The following C2 variants were observed in gnomAD, a reference collection of about 807,000 sequenced individuals.
C2 encodes the protein complement C2.
In C2, 64 loss-of-function variants were observed where a neutral mutation model predicts 85.2. The ratio of observed to expected loss-of-function variants is 0.75; its 90% CI spans 0.61 to 0.92. The LOEUF (loss-of-function observed/expected upper bound fraction) is 0.92. Ranked by LOEUF, C2 falls within the 40% of genes least tolerant of loss-of-function variation. C2 has a pLI of 0.00. For synonymous variants in C2, 311 were observed against 370.8 expected, an observed-to-expected ratio of 0.84 and a Z score of 1.85; for missense variants, 820 against 971.6, an observed-to-expected ratio of 0.84 and a Z score of 2.07.
chr6:31,927,757 G>A lies in C2; in HGVS notation c.5G>A (p.Gly2Asp). The part of the protein sequence containing the change: M[G>D]PLMVLFCLLF... ...GCCGCCCCTAGGGAGGACACCATGGGCCCACTGATGGTTCTTTTTTGCCTG... is the reference window on the plus strand; with the variant it reads ...GCCGCCCCTAGGGAGGACACCATGGACCCACTGATGGTTCTTTTTTGCCTG... The change falls in exon 1 of 18, where the codon GGC (glycine) becomes GAC (aspartate). Residue 2 changes from glycine to aspartate, a missense_variant. Transcript: ENST00000299367. This position sits in a 1 kb window ranked among gnomAD's most constrained non-coding sequence, Gnocchi z 4.7. 1 of 1,613,244 alleles carries A rather than the reference G, an allele frequency of 6.2e-7. No individual in the cohort carries two copies. Among genetic ancestry groups the A allele is most frequent in the Non-Finnish European group, 8.5e-7 (1 of 1,180,014 alleles).
intron 9 of C2, among the ~76,000 whole-genome samples, chr6:31,939,645 T>C (rs923518811): frequency 6.6e-5 from 10 of 151,828 alleles, no homozygotes; most frequent in African/African-American, 2.4e-4. Flanking sequence ...TGAAGTGCAG[T>C]GGTGCAATCA....
At position 31,921,468 on chromosome 6, in the gene C2, G is replaced by A. The variant is rs1768963928; in HGVS notation, c.-100+1442G>A. On this transcript the variant is annotated intron_variant, in intron 1 of 3. Coordinates refer to the C2 transcript ENST00000413154. The surrounding 1 kb of genome is among the most constrained non-coding windows in gnomAD (Gnocchi z 4.6). Reference sequence around the variant, plus strand: ...AAGAGGAAAGAGCCTAGGGGAGAGAGGGCTTGGAAATGCAAGGGGCTGGGG... The same window carrying A: ...AAGAGGAAAGAGCCTAGGGGAGAGAAGGCTTGGAAATGCAAGGGGCTGGGG... Among the ~76,000 whole-genome samples the A allele has an allele frequency of 6.6e-6, 1 of 152,066 alleles. No individual in the cohort carries two copies. The highest frequency in any genetic ancestry group is 1.5e-5 in the Non-Finnish European group (1 of 68,010).
rs544699120 is a variant in C2 at position 31,921,831 on chromosome 6, G to A, written c.-100+1805G>A. Among the ~76,000 whole-genome samples, 1 of 152,322 alleles carries A rather than the reference G, an allele frequency of 6.6e-6. No individual in the cohort carries two copies. The highest frequency in any genetic ancestry group is 1.9e-4 in the East Asian group (1 of 5,188). ...TTCCTCCCCCAGAAGCAGACCTGGA[G>A]ACAAGGGTTCCAGTGCAGACAGTGC... On this transcript the variant is annotated intron_variant, in intron 1 of 3. Transcript: ENST00000413154. The surrounding 1 kb of genome is among the most constrained non-coding windows in gnomAD (Gnocchi z 4.6).
upstream of C2, among the ~76,000 whole-genome samples, chr6:31,898,801 C>T (rs533463502): frequency 6.6e-6 from 1 of 152,250 alleles, no homozygotes; most frequent in African/African-American, 2.4e-5. Context: ...AGTTCATGTG[C>T]ATCCCCACGA....
intron 1 of C2, chr6:31,901,987 T>G (rs1581999166): frequency 1.4e-5 from 2 of 137,944 alleles, no homozygotes; most frequent in South Asian, 2.6e-4. Context: ...CGGCTCCGCG[T>G]GGGCGTAAGG....
At chr6:31,932,740 G>C (rs1005061912) in intron 3 of C2, among the ~76,000 whole-genome samples, 5 of 152,172 alleles carry the variant, frequency 3.3e-5, no homozygotes, top group African/African-American at 1.2e-4. Context: ...CTGCAATCTC[G>C]GCACTTTGGG....
intron 9 of C2, 31 bp from the exon 10 acceptor site, chr6:31,942,928 G>GGAA: frequency 6.2e-7 from 1 of 1,612,730 alleles, no homozygotes; most frequent in South Asian, 1.1e-5. Flanking sequence ...CAAAGCCACA[G>GGAA]GAGTCTGGTG....
rs1769489497 is a variant in C2 at position 31,928,856 on chromosome 6, T to A, written c.381T>A (p.Pro127=). 2 of 1,614,114 alleles carry A rather than the reference T, an allele frequency of 1.2e-6. No individual in the cohort carries two copies. The highest frequency in any genetic ancestry group is 1.7e-6 in the Non-Finnish European group (2 of 1,180,040). The change falls in exon 3 of 18, where the codon CCT becomes CCA. Residue 127 remains proline (P), a synonymous_variant. Transcript: ENST00000299367. Reference sequence around the variant, plus strand: ...ATGGCTTCATATTGCGGGGCTCGCCTGTGCGTCAGTGTCGCCCCAACGGCA... The same window carrying A: ...ATGGCTTCATATTGCGGGGCTCGCCAGTGCGTCAGTGTCGCCCCAACGGCA... ...CEDGFILRGS[P]VRQCRPNGMW...
intron 1 of C2, among the ~76,000 whole-genome samples, chr6:31,911,256 G>A (rs1406757288): frequency 6.6e-6 from 1 of 151,928 alleles, no homozygotes; most frequent in Non-Finnish European, 1.5e-5. Flanking sequence ...CCGAGATGGC[G>A]CCACTGCACT....
rs542384976 is a variant in C2, at chr6:31,945,208, C to T, written c.2110C>T (p.Pro704Ser). Residue 704 changes from proline (P) to serine (S), a missense_variant, in exon 18 of 18, where the codon CCC (proline) becomes TCC (serine). Pro to Ser is a moderately conservative substitution (Grantham distance 74). Transcript: ENST00000299367. The surrounding 1 kb of genome is among the most constrained non-coding windows in gnomAD (Gnocchi z 5.3). ...VGLVSWGLYN[P>S]CLGSADKNSR... Reference sequence around the variant, plus strand: ...TCTGGTGAGCTGGGGTCTTTACAACCCCTGCCTTGGCTCTGCTGACAAAAA... The same window carrying T: ...TCTGGTGAGCTGGGGTCTTTACAACTCCTGCCTTGGCTCTGCTGACAAAAA... 19 of 1,612,958 alleles carry T rather than the reference C, an allele frequency of 1.2e-5. No homozygotes were observed. The highest frequency in any genetic ancestry group is 1.5e-5 in the Non-Finnish European group (18 of 1,180,030).
At chr6:31,931,590 C>A (rs1254775058) in intron 3 of C2, among the ~76,000 whole-genome samples, 9 of 151,972 alleles carry the variant, frequency 5.9e-5, no homozygotes, top group African/African-American at 1.2e-4. Context: ...GTAAGGTCAC[C>A]GATCAACAGG....
chr6:31,913,853 T>C (rs1165539904), intron 1 of C2, among the ~76,000 whole-genome samples: 1 of 152,016 alleles, frequency 6.6e-6, no homozygotes, highest in Non-Finnish European at 1.5e-5. Flanking sequence ...TTGGCCAGGC[T>C]GGTCTTGAAC....
upstream of C2, chr6:31,899,837 AC>A (rs975229191): frequency 1.9e-5 from 21 of 1,125,874 alleles, no homozygotes; most frequent in Non-Finnish European, 2.2e-5. Context: ...TCTGCCCCAG[AC>A]CCCCCACCCC....
At chr6:31,902,924 C>T (rs1362311368) in intron 1 of C2, among the ~76,000 whole-genome samples, 2 of 152,108 alleles carry the variant, frequency 1.3e-5, no homozygotes, top group Non-Finnish European at 2.9e-5. Flanking sequence ...AATCTTCCAC[C>T]GCTCCGTCCC....
chr6:31,911,516 G>T (rs1430286485), intron 1 of C2, among the ~76,000 whole-genome samples: 1 of 152,114 alleles, frequency 6.6e-6, no homozygotes, highest in East Asian at 1.9e-4. Context: ...TGAGCAAAAG[G>T]GTTTGAAGAT....
chr6:31,912,859 A>AG (rs1249675208), intron 1 of C2, among the ~76,000 whole-genome samples: 18 of 67,192 alleles, frequency 2.7e-4, no homozygotes, highest in Admixed American at 1.6e-3. Context: ...AAAAAAAAAA[A>AG]AAGAGATTGG....
chr6:31,900,138 C>T (rs1767088168), upstream of C2: 1 of 1,614,104 alleles, frequency 6.2e-7, no homozygotes, highest in Admixed American at 1.7e-5. The surrounding 1 kb of genome is among the most constrained non-coding windows in gnomAD (Gnocchi z 9.7). Flanking sequence ...CCGCAGATGC[C>T]GCACGAGTGT....
In C2 at chr6:31,928,878, G is replaced by A. The variant is rs1449369834; in HGVS notation, c.403G>A (p.Gly135Ser). 7 of 1,614,032 alleles carry A rather than the reference G, an allele frequency of 4.3e-6. No individual in the cohort carries two copies. Among genetic ancestry groups the A allele is most frequent in the Admixed American group, 1.7e-5 (1 of 60,004 alleles). Residue 135 changes from glycine (G) to serine (S), a missense_variant, in exon 3 of 18, where the codon GGC becomes AGC. Physicochemically the swap from Gly to Ser is moderately conservative, Grantham distance 56. Coordinates refer to ENST00000299367, the MANE Select transcript of C2 (RefSeq NM_000063.6). ...GSPVRQCRPN[G>S]MWDGETAVCD... is the part of the protein sequence containing the mutation. Reference sequence around the variant, plus strand: ...GCCTGTGCGTCAGTGTCGCCCCAACGGCATGTGGGATGGAGAAACAGCTGT... The same window carrying A: ...GCCTGTGCGTCAGTGTCGCCCCAACAGCATGTGGGATGGAGAAACAGCTGT...
intron 5 of C2, 81 bp downstream of exon 5, chr6:31,934,046 G>A: frequency 6.5e-7 from 1 of 1,546,846 alleles, no homozygotes; most frequent in Admixed American, 1.7e-5. Flanking sequence ...CCTTCCTGGA[G>A]GCCAGGAGCC....
Sources: gnomAD v4.1 joint callset for allele counts (sites outside exome capture counted in the v4.1 genomes callset) on GRCh38, gnomAD v4.1.1 for gene constraint, Gnocchi (gnomAD v3.1) non-coding constraint, MANE v1.5 for transcripts, NCBI Gene and HGNC (gene_info 2026-07-23, HGNC 2026-07-21) for gene names.